The following OPCML variants were observed in gnomAD, a reference collection of about 807,000 sequenced individuals.
The protein encoded by OPCML is opioid-binding protein/cell adhesion molecule.
A neutral mutation model predicts 37.8 loss-of-function variants in OPCML; 13 were observed. The observed-to-expected ratio is 0.34, with a 90% CI of 0.22 to 0.55. The LOEUF (loss-of-function observed/expected upper bound fraction) is 0.55, where lower values mean the gene tolerates loss of function less well. OPCML is among the 20% of genes least tolerant of loss of function. The pLI, the probability that OPCML is intolerant of heterozygous loss-of-function variation, is 0.91. For missense variants in OPCML, 341 were observed against 435.6 expected, an observed-to-expected ratio of 0.78 and a Z score of 1.93; for synonymous variants, 176 against 168.8, an observed-to-expected ratio of 1.04 and a Z score of -0.33.
intron 1 of OPCML, among the ~76,000 whole-genome samples, chr11:133,098,213 CTTTTT>C (rs749902124): frequency 1.5e-5 from 2 of 133,738 alleles, no homozygotes; most frequent in Admixed American, 7.5e-5. Context: ...GCTGGTTAAA[CTTTTT>C]TTTTTTTTTT....
intron 1 of OPCML, among the ~76,000 whole-genome samples, chr11:133,244,701 A>T (rs28706754): frequency 1.3e-5 from 2 of 150,992 alleles, no homozygotes; most frequent in African/African-American, 4.9e-5. Context: ...TTGCTCACTC[A>T]CTCTCTCTCT....
intron 2 of OPCML, among the ~76,000 whole-genome samples, chr11:132,815,325 T>C (rs537140087): frequency 6.6e-6 from 1 of 152,312 alleles, no homozygotes; most frequent in African/African-American, 2.4e-5. Flanking sequence ...CAGAATTCTC[T>C]ACTGTAATTC....
At chr11:132,551,446 G>T (rs1239859213) in intron 3 of OPCML, among the ~76,000 whole-genome samples, 1 of 152,172 alleles carries the variant, frequency 6.6e-6, no homozygotes, top group African/African-American at 2.4e-5. Context: ...TTTCTTGCCT[G>T]GGGACTAGAC....
chr11:132,902,578 T>C (rs2136505844), intron 2 of OPCML, among the ~76,000 whole-genome samples: 1 of 152,288 alleles, frequency 6.6e-6, no homozygotes, highest in Middle Eastern at 3.4e-3. Flanking sequence ...GATATTTTAC[T>C]GGGCTTGTTG....
intron 2 of OPCML, among the ~76,000 whole-genome samples, chr11:132,714,132 CAAAACAAGACTGA>C (rs1455635904): frequency 6.6e-6 from 1 of 152,102 alleles, no homozygotes; most frequent in Non-Finnish European, 1.5e-5. Flanking sequence ...TATAAAAATG[CAAAACAAGACTGA>C]AAGAATATCC....
chr11:133,007,113 C>A, intron 1 of OPCML: 1 of 985,412 alleles, frequency 1.0e-6, no homozygotes, highest in Non-Finnish European at 1.2e-6. Context: ...TCCCCTAGAG[C>A]TTTATTTTCC....
At chr11:133,293,980 G>T (rs1234948478) in intron 1 of OPCML, among the ~76,000 whole-genome samples, 1 of 150,874 alleles carries the variant, frequency 6.6e-6, no homozygotes, top group Non-Finnish European at 1.5e-5. Flanking sequence ...ATTGGAGCAG[G>T]TCTTTCACTT....
intron 4 of OPCML, among the ~76,000 whole-genome samples, chr11:132,509,486 C>T (rs1409271808): frequency 2.6e-5 from 4 of 152,168 alleles, no homozygotes; most frequent in Non-Finnish European, 5.9e-5. Flanking sequence ...CCTCCCATCA[C>T]AGGCTCAGAG....
At chr11:132,669,640 C>T (rs974197513) in intron 2 of OPCML, among the ~76,000 whole-genome samples, 1 of 152,160 alleles carries the variant, frequency 6.6e-6, no homozygotes, top group African/African-American at 2.4e-5. Context: ...TTATGTCCAC[C>T]TTCTTCCATC....
intron 1 of OPCML, among the ~76,000 whole-genome samples, chr11:132,990,230 T>C (rs909856159): frequency 7.9e-5 from 12 of 152,312 alleles, no homozygotes; most frequent in Admixed American, 3.3e-4. Flanking sequence ...CTACAGGGCG[T>C]GCACCGAGTC....
intron 1 of OPCML, among the ~76,000 whole-genome samples, chr11:132,990,578 G>C (rs1946756993): frequency 6.6e-6 from 1 of 152,188 alleles, no homozygotes; most frequent in Admixed American, 6.5e-5. Flanking sequence ...ACCTAGAAAT[G>C]AGAATTGCGG....
At chr11:132,571,691 T>C (rs559577668) in intron 3 of OPCML, among the ~76,000 whole-genome samples, 34 of 152,344 alleles carry the variant, frequency 2.2e-4, no homozygotes, top group Non-Finnish European at 4.4e-4. Flanking sequence ...GTTTAGGTTG[T>C]TTCCACATCT....
At chr11:133,012,873 A>G (rs1162955747) in intron 1 of OPCML, among the ~76,000 whole-genome samples, 1 of 150,806 alleles carries the variant, frequency 6.6e-6, no homozygotes, top group Non-Finnish European at 1.5e-5. Flanking sequence ...TCCATCTCAA[A>G]AAAAAAAAAA....
At chr11:132,867,264 C>T (rs961417976) in intron 2 of OPCML, among the ~76,000 whole-genome samples, 6 of 152,232 alleles carry the variant, frequency 3.9e-5, no homozygotes, top group Non-Finnish European at 5.9e-5. Flanking sequence ...AGAAGAGTGG[C>T]GCTGGGAGAA....
chr11:133,178,115 C>A (rs553175614), intron 1 of OPCML, among the ~76,000 whole-genome samples: 8 of 152,266 alleles, frequency 5.3e-5, no homozygotes, highest in African/African-American at 1.9e-4. Flanking sequence ...GGAGCTCTTA[C>A]ATTCATAAAT....
intron 1 of OPCML, among the ~76,000 whole-genome samples, chr11:133,041,526 A>C (rs1329580528): frequency 1.3e-5 from 2 of 152,216 alleles, no homozygotes; most frequent in African/African-American, 4.8e-5. Flanking sequence ...ACTTCCAGGA[A>C]AGGAGAAAGG....
chr11:132,952,052 G>A lies in OPCML; in HGVS notation c.62-9042C>T, dbSNP rs539954733. ...AGACTTACAGCTTGTGTTTATCTGAGAGAAGATTGTACCCAGCTGTTCCAT... is the reference window on the plus strand; with the variant it reads ...AGACTTACAGCTTGTGTTTATCTGAAAGAAGATTGTACCCAGCTGTTCCAT... On this transcript the variant is annotated intron_variant, in intron 1 of 7. Coordinates refer to ENST00000524381, the MANE Select transcript of OPCML (RefSeq NM_001012393.5). Among the ~76,000 whole-genome samples the A allele has an allele frequency of 9.8e-5, 15 of 152,328 alleles. No individual in the cohort carries two copies. In the South Asian group the frequency reaches 2.5e-3, roughly 25 times the overall value.
chr11:132,797,148 G>C (rs1938373414), intron 2 of OPCML, among the ~76,000 whole-genome samples: 1 of 152,052 alleles, frequency 6.6e-6, no homozygotes. Context: ...TGTCACTTGT[G>C]TTTTCAATGT....
intron 3 of OPCML, among the ~76,000 whole-genome samples, chr11:132,639,084 C>T (rs1207882599): frequency 1.3e-5 from 2 of 152,142 alleles, no homozygotes; most frequent in African/African-American, 4.8e-5. Flanking sequence ...AGCTCTACAC[C>T]CTTGCATTCA....
Sources: gnomAD v4.1 joint callset for allele counts (sites outside exome capture counted in the v4.1 genomes callset) on GRCh38, gnomAD v4.1.1 for gene constraint, MANE v1.5 for transcripts, NCBI Gene and HGNC (gene_info 2026-07-23, HGNC 2026-07-21) for gene names.